The following NEDD4 variants were observed in gnomAD, a reference collection of about 807,000 sequenced individuals.
NEDD4 encodes the protein NEDD4 E3 ubiquitin protein ligase.
A neutral mutation model predicts 144.9 loss-of-function variants in NEDD4; 99 were observed. The observed-to-expected ratio is 0.68, with a 90% CI of 0.58 to 0.81. NEDD4 has a LOEUF of 0.81. NEDD4 is among the 30% of genes least tolerant of loss of function. The pLI is 0.00. For synonymous variants in NEDD4, 318 were observed against 350.6 expected (o/e 0.91, Z 1.04); for missense variants, 985 against 1,065.9 (o/e 0.92, Z 1.06).
rs776844594 is a variant in NEDD4 at position 55,961,065 on chromosome 15, C to CT, written c.119+5407dup. ...TTGTCAGGATTCTCCTAGAGAGTGG[C>CT]TATCTGCTATTTTGGTAGGAACAAA... On this transcript the variant is annotated intron_variant, in intron 2 of 28. Coordinates refer to ENST00000435532, the MANE Select transcript of NEDD4 (RefSeq NM_006154.4). Among the ~76,000 whole-genome samples, 15 of 152,182 alleles carry CT rather than the reference C, an allele frequency of 9.9e-5. No individual in the cohort carries two copies. In the South Asian group the frequency reaches 1.0e-3, roughly 10 times the overall value.
intron 4 of NEDD4, among the ~76,000 whole-genome samples, chr15:55,946,184 G>GC (rs1245172179): frequency 6.6e-6 from 1 of 152,110 alleles, no homozygotes; most frequent in South Asian, 2.1e-4. Flanking sequence ...TGGGCTAAAT[G>GC]CCCCCATTAA....
intron 5 of NEDD4, among the ~76,000 whole-genome samples, chr15:55,922,720 GAA>G (rs1474664507): frequency 2.0e-5 from 3 of 152,040 alleles, no homozygotes; most frequent in Admixed American, 6.6e-5. Flanking sequence ...AAAAAGCAAA[GAA>G]TGATAAAAAC....
chr15:55,942,063 A>ATTTTTTTTT (rs34216809), intron 4 of NEDD4, among the ~76,000 whole-genome samples: 1 of 150,138 alleles, frequency 6.7e-6, no homozygotes. Context: ...TATATTTACT[A>ATTTTTTTTT]TTTTTTTTTT....
At chr15:55,950,569 G>T (rs1234293459) in intron 4 of NEDD4, among the ~76,000 whole-genome samples, 1 of 152,184 alleles carries the variant, frequency 6.6e-6, no homozygotes, top group Non-Finnish European at 1.5e-5. Flanking sequence ...GAGATAAGAT[G>T]AACTTGGCAG....
chr15:55,892,933 T>C (rs1482344384), intron 5 of NEDD4, among the ~76,000 whole-genome samples: 1 of 152,132 alleles, frequency 6.6e-6, no homozygotes, highest in African/African-American at 2.4e-5. Flanking sequence ...AGACTGACAA[T>C]CTAAATGGTT....
intron 4 of NEDD4, among the ~76,000 whole-genome samples, chr15:55,949,023 T>C (rs1212231575): frequency 4.6e-5 from 7 of 152,018 alleles, no homozygotes; most frequent in South Asian, 2.1e-4. Context: ...AGGCAACCTA[T>C]AGAATGGGAG....
At chr15:55,841,691 C>G (rs11071228) in intron 19 of NEDD4, among the ~76,000 whole-genome samples, 50,503 of 151,912 alleles carry the variant, frequency 0.33, 8,557 homozygotes, top group South Asian at 0.42. Flanking sequence ...CCTGCCTCAG[C>G]CTCCTGAGTA....
intron 12 of NEDD4, among the ~76,000 whole-genome samples, chr15:55,852,782 C>T (rs1298525727): frequency 3.3e-5 from 5 of 151,092 alleles, no homozygotes; most frequent in African/African-American, 1.2e-4. Flanking sequence ...CAGGGTCTTG[C>T]TCTGTTGCCC....
chr15:55,948,185 T>C (rs1385139942), intron 4 of NEDD4, among the ~76,000 whole-genome samples: 1 of 152,090 alleles, frequency 6.6e-6, no homozygotes, highest in East Asian at 1.9e-4. Flanking sequence ...AAATCATGAG[T>C]GAACTCCCAT....
intron 2 of NEDD4, among the ~76,000 whole-genome samples, chr15:55,957,744 T>C (rs2037360922): frequency 6.6e-6 from 1 of 152,200 alleles, no homozygotes; most frequent in South Asian, 2.1e-4. Flanking sequence ...AATGATAGAC[T>C]GGATTAAGAA....
intron 1 of NEDD4, among the ~76,000 whole-genome samples, chr15:55,972,827 G>C (rs1363695667): frequency 1.3e-5 from 2 of 151,860 alleles, no homozygotes; most frequent in African/African-American, 4.8e-5. Context: ...ACCAAAAAGA[G>C]CAGGAATAGC....
intron 5 of NEDD4, among the ~76,000 whole-genome samples, chr15:55,888,319 C>A (rs1311838892): frequency 1.3e-5 from 2 of 152,162 alleles, no homozygotes; most frequent in African/African-American, 4.8e-5. Context: ...ATATCAGTAG[C>A]ATTTCTCAAT....
chr15:55,890,823 C>G (rs891086606), intron 5 of NEDD4, among the ~76,000 whole-genome samples: 1 of 152,168 alleles, frequency 6.6e-6, no homozygotes, highest in Admixed American at 6.5e-5. Flanking sequence ...GTCTTTATGA[C>G]AATACCCTTC....
intron 5 of NEDD4, among the ~76,000 whole-genome samples, chr15:55,877,997 C>G (rs2035051718): frequency 6.6e-6 from 1 of 152,132 alleles, no homozygotes. Flanking sequence ...CTCTTCTTAT[C>G]CCTGCTCTAC....
At chr15:55,873,207 C>CGT (rs2034867483) in intron 6 of NEDD4, among the ~76,000 whole-genome samples, 1 of 152,046 alleles carries the variant, frequency 6.6e-6, no homozygotes, top group Non-Finnish European at 1.5e-5. Flanking sequence ...GCTGGCCCTC[C>CGT]GTTCTTATCT....
chr15:55,954,825 A>T (rs2037308904), intron 2 of NEDD4, among the ~76,000 whole-genome samples: 1 of 151,846 alleles, frequency 6.6e-6, no homozygotes, highest in South Asian at 2.1e-4. Context: ...TGCCTAGCCG[A>T]GTTTTGCCAT....
intron 4 of NEDD4, among the ~76,000 whole-genome samples, chr15:55,927,157 G>A (rs527997618): frequency 6.7e-6 from 1 of 149,348 alleles, no homozygotes; most frequent in African/African-American, 2.5e-5. Flanking sequence ...AGATGTAGAA[G>A]AACTTTTGAG....
At position 55,848,422 on chromosome 15, in the gene NEDD4, T is replaced by C. The variant is rs781592465; in HGVS notation, c.1492A>G (p.Arg498Gly). The change falls in exon 17 of 29, where the codon AGA becomes GGA. Residue 498 changes from arginine to glycine, a missense_variant. Transcript: ENST00000435532. ...RIFYINHNIK[R>G]TQWEDPRLEN... ...AACCGAGGATCTTCCCATTGTGTTC[T>C]TTTTATATCTGAAGGGAAGAAAAAG... 13 of 1,614,134 alleles carry C rather than the reference T, an allele frequency of 8.1e-6. No homozygotes were observed. The highest frequency in any genetic ancestry group is 1.0e-5 in the Non-Finnish European group (12 of 1,179,968).
At position 55,960,507 on chromosome 15, in the gene NEDD4, C is replaced by T. The variant is rs574862356; in HGVS notation, c.119+5966G>A. 1.8e-4 allele frequency among the ~76,000 whole-genome samples: 27 copies of T among 152,256 alleles called. No homozygotes were observed. In the East Asian group the frequency reaches 5.2e-3, roughly 29 times the overall value. ...CAGTGATATGCTAGGGGCTCTTGTA[C>T]CTTCAGCCACAGACTGAAGGCTGCA... On this transcript the variant is annotated intron_variant, in intron 2 of 28. Coordinates refer to ENST00000435532, the MANE Select transcript of NEDD4 (RefSeq NM_006154.4).
Sources: gnomAD v4.1 joint callset for allele counts (sites outside exome capture counted in the v4.1 genomes callset) on GRCh38, gnomAD v4.1.1 for gene constraint, MANE v1.5 for transcripts, NCBI Gene and HGNC (gene_info 2026-07-23, HGNC 2026-07-21) for gene names.